CSGALNACT1: variants seen among roughly 807,000 people sequenced by gnomAD.
CSGALNACT1 encodes beta4GalNAcT-1.
Under a neutral mutation model 51.0 loss-of-function variants are expected in CSGALNACT1, and 52 were observed. That is an observed-to-expected ratio of 1.02 (90% CI 0.82 to 1.29). CSGALNACT1 has a LOEUF of 1.29. CSGALNACT1 is among the 50% of genes most tolerant of loss of function. The probability of loss-of-function intolerance (pLI) is 0.00; values close to 1 mark genes in which losing one functional copy is unlikely to be tolerated. For synonymous variants in CSGALNACT1, 341 were observed against 254.4 expected (o/e 1.34, Z -3.24); for missense variants, 935 against 679.2 (o/e 1.38, Z -4.19).
chr8:19,628,296 A>C (rs1044250590), intron 1 of CSGALNACT1, among the ~76,000 whole-genome samples: 3 of 152,178 alleles, frequency 2.0e-5, no homozygotes, highest in African/African-American at 7.2e-5. Context: ...GAAGTAAGGT[A>C]CATCTTACAT....
chr8:19,500,170 G>C (rs974863992), intron 4 of CSGALNACT1, among the ~76,000 whole-genome samples: 3 of 152,108 alleles, frequency 2.0e-5, no homozygotes, highest in African/African-American at 7.2e-5. Context: ...TAAACCACTG[G>C]GTTGTTCCAG....
intron 1 of CSGALNACT1, among the ~76,000 whole-genome samples, chr8:19,718,684 G>T (rs2062949914): frequency 6.6e-6 from 1 of 152,058 alleles, no homozygotes; most frequent in Admixed American, 6.5e-5. Context: ...ACATTACCCA[G>T]TTTGCAGTTG....
intron 3 of CSGALNACT1, among the ~76,000 whole-genome samples, chr8:19,512,519 A>T (rs2078659327): frequency 6.6e-6 from 1 of 152,238 alleles, no homozygotes; most frequent in African/African-American, 2.4e-5. Context: ...TCAGATTTAC[A>T]TAAAAATGCT....
chr8:19,621,592 C>A (rs143757712), intron 1 of CSGALNACT1, among the ~76,000 whole-genome samples: 1 of 152,042 alleles, frequency 6.6e-6, no homozygotes, highest in Non-Finnish European at 1.5e-5. Context: ...GCCTGGGCAA[C>A]GTGGCAAGAC....
At chr8:19,705,572 C>T (rs2062113106) in intron 1 of CSGALNACT1, among the ~76,000 whole-genome samples, 1 of 151,932 alleles carries the variant, frequency 6.6e-6, no homozygotes, top group African/African-American at 2.4e-5. Flanking sequence ...ACCATCTCTA[C>T]AAAAAATACA....
chr8:19,509,879 A>G (rs1292563397), intron 3 of CSGALNACT1, among the ~76,000 whole-genome samples: 1 of 152,194 alleles, frequency 6.6e-6, no homozygotes, highest in East Asian at 1.9e-4. Context: ...GCTTTATGTG[A>G]TCACAGCAGC....
chr8:19,596,028 T>A (rs1237091643), intron 2 of CSGALNACT1, among the ~76,000 whole-genome samples: 1 of 152,064 alleles, frequency 6.6e-6, no homozygotes, highest in Non-Finnish European at 1.5e-5. Context: ...CACACCGAGC[T>A]AATTTTTAAA....
At chr8:19,666,795 GAAAGAA>G (rs1247868228) in intron 1 of CSGALNACT1, among the ~76,000 whole-genome samples, 42 of 41,018 alleles carry the variant, frequency 1.0e-3, no homozygotes, top group East Asian at 2.9e-3. Context: ...AAGAAAGAAA[GAAAGAA>G]AGAAAGAAAG....
intron 3 of CSGALNACT1, among the ~76,000 whole-genome samples, chr8:19,559,836 C>G (rs2040308674): frequency 6.6e-6 from 1 of 152,108 alleles, no homozygotes; most frequent in African/African-American, 2.4e-5. Context: ...CTTATAGAAT[C>G]AATACAATGC....
intron 4 of CSGALNACT1, among the ~76,000 whole-genome samples, chr8:19,494,474 A>C (rs749104101): frequency 6.6e-6 from 1 of 152,192 alleles, no homozygotes; most frequent in Non-Finnish European, 1.5e-5. Context: ...ACCTGTGTAC[A>C]TGGGTGCCCC....
chr8:19,641,218 T>C (rs73214667), intron 1 of CSGALNACT1, among the ~76,000 whole-genome samples: 2,897 of 151,396 alleles, frequency 0.019, 50 homozygotes, highest in South Asian at 0.044. Flanking sequence ...GTTCAAGCTT[T>C]TCCAGGTACC....
At chr8:19,689,587 C>G (rs1189932812) in intron 1 of CSGALNACT1, among the ~76,000 whole-genome samples, 1 of 152,198 alleles carries the variant, frequency 6.6e-6, no homozygotes, top group East Asian at 1.9e-4. Flanking sequence ...CTTAAAAATT[C>G]TATGAGAAAG....
At chr8:19,638,827 A>G (rs968417127) in intron 1 of CSGALNACT1, among the ~76,000 whole-genome samples, 2 of 152,106 alleles carry the variant, frequency 1.3e-5, no homozygotes, top group African/African-American at 4.8e-5. Context: ...TAAATTCAAT[A>G]GATGATCATT....
intron 4 of CSGALNACT1, among the ~76,000 whole-genome samples, chr8:19,497,716 G>A (rs968255382): frequency 8.6e-5 from 13 of 151,988 alleles, no homozygotes; most frequent in Admixed American, 1.3e-4. Context: ...TAAATCCTCG[G>A]GCCTCCAAAT....
At chr8:19,454,268 G>C (rs913568928) in intron 5 of CSGALNACT1, among the ~76,000 whole-genome samples, 2 of 152,234 alleles carry the variant, frequency 1.3e-5, no homozygotes, top group Admixed American at 1.3e-4. Flanking sequence ...GGAATGGAAA[G>C]CTATTGGAAG....
rs188279394 is a variant in CSGALNACT1, at chr8:19,637,315, C to T, written c.-543-35450G>A. ...CACCCCCTTCTTTTCAACCAAAAGC[C>T]TTTATTTTCTCAATTTGGAGTTGGT... On this transcript the variant is annotated intron_variant, in intron 1 of 9. Transcript: ENST00000332246. Among the ~76,000 whole-genome samples, 299 of 152,282 alleles carry T rather than the reference C, an allele frequency of 2.0e-3. 1 individual carries two copies. Among genetic ancestry groups the T allele is most frequent in the African/African-American group, 6.6e-3 (276 of 41,564 alleles).
intron 3 of CSGALNACT1, among the ~76,000 whole-genome samples, chr8:19,556,551 C>A (rs1005512492): frequency 4.6e-5 from 7 of 152,194 alleles, no homozygotes; most frequent in African/African-American, 1.7e-4. Flanking sequence ...GGCACCACGG[C>A]AACCAAGACT....
At chr8:19,692,914 A>G (rs75475582) in intron 1 of CSGALNACT1, among the ~76,000 whole-genome samples, 240 of 152,334 alleles carry the variant, frequency 1.6e-3, no homozygotes, top group African/African-American at 5.5e-3. Context: ...GGGCACTGGC[A>G]GAAGCCTGGG....
At chr8:19,551,798 C>A (rs2088183532) in intron 3 of CSGALNACT1, among the ~76,000 whole-genome samples, 1 of 152,150 alleles carries the variant, frequency 6.6e-6, no homozygotes, top group Non-Finnish European at 1.5e-5. Flanking sequence ...GTCACATTTT[C>A]TTTGTCCCTA....
Sources: gnomAD v4.1 joint callset for allele counts (sites outside exome capture counted in the v4.1 genomes callset) on GRCh38, gnomAD v4.1.1 for gene constraint, MANE v1.5 for transcripts, NCBI Gene and HGNC (gene_info 2026-07-23, HGNC 2026-07-21) for gene names.